THOC5: variants seen among roughly 807,000 people sequenced by gnomAD.
THOC5 encodes Fms-interacting protein.
In THOC5, 43 loss-of-function variants were observed where a neutral mutation model predicts 92.9. The observed-to-expected ratio is 0.46, with a 90% CI of 0.36 to 0.60. The LOEUF (loss-of-function observed/expected upper bound fraction) is 0.60. THOC5 is among the 20% of genes least tolerant of loss of function. THOC5 has a pLI of 0.00. For missense variants in THOC5, 659 were observed against 849.4 expected (o/e 0.78, Z 2.79); for synonymous variants, 296 against 320.1 (o/e 0.92, Z 0.80).
In THOC5 at chr22:29,531,879, G is replaced by A. The variant is rs769624235; in HGVS notation, c.799C>T (p.Pro267Ser). 24 of 1,614,082 alleles carry A rather than the reference G, an allele frequency of 1.5e-5. No homozygotes were observed. ...QYETARHLPP[P>S]LYVLFVQATA... ...GCCTGAACAAAGAGGACATAGAGGG[G>A]AGGCGGCAGGTGTCTGGCTGTCTCA... is the stretch of plus-strand genomic sequence containing the variant. Residue 267 changes from proline (P) to serine (S), a missense_variant, in exon 8 of 20, where the codon CCC becomes TCC. Pro to Ser is a moderately conservative substitution (Grantham distance 74, BLOSUM62 -1). Coordinates refer to ENST00000490103, the MANE Select transcript of THOC5 (RefSeq NM_003678.5).
chr22:29,511,536 CAG>C, intron 18 of THOC5: 1 of 528,050 alleles, frequency 1.9e-6, no homozygotes, highest in Non-Finnish European at 3.4e-6. Context: ...GCCAGGAAAA[CAG>C]AGGTGTGCAG....
At chr22:29,542,447 T>A (rs531656208) in intron 5 of THOC5, among the ~76,000 whole-genome samples, 14 of 152,334 alleles carry the variant, frequency 9.2e-5, no homozygotes, top group Admixed American at 7.8e-4. Context: ...TACAGTTTTC[T>A]AAGCTCATCA....
At chr22:29,533,987 G>A (rs1187880541) in intron 7 of THOC5, among the ~76,000 whole-genome samples, 1 of 152,082 alleles carries the variant, frequency 6.6e-6, no homozygotes, top group African/African-American at 2.4e-5. Flanking sequence ...TCATTCCTGG[G>A]TATATATTCA....
intron 6 of THOC5, among the ~76,000 whole-genome samples, chr22:29,537,585 C>T (rs1173764893): frequency 6.6e-6 from 1 of 151,798 alleles, no homozygotes; most frequent in East Asian, 1.9e-4. Context: ...GTGAAACCCC[C>T]AACTCTATTA....
At chr22:29,530,833 A>G (rs909893000) in intron 8 of THOC5, among the ~76,000 whole-genome samples, 11 of 152,152 alleles carry the variant, frequency 7.2e-5, no homozygotes, top group Non-Finnish European at 1.5e-4. Context: ...TGGTCCCAAG[A>G]GCCTGAAACG....
intron 12 of THOC5, among the ~76,000 whole-genome samples, 160 bp from the exon 13 acceptor site, chr22:29,521,259 A>T (rs560598614): frequency 1.3e-5 from 2 of 152,162 alleles, no homozygotes; most frequent in Admixed American, 6.6e-5. Flanking sequence ...GCTTGAGGTC[A>T]TTGCATCCTT....
At chr22:29,545,739 T>A (rs2064003825) in intron 2 of THOC5, among the ~76,000 whole-genome samples, 1 of 152,160 alleles carries the variant, frequency 6.6e-6, no homozygotes, top group South Asian at 2.1e-4. Context: ...CTTTGCAGGG[T>A]ACAGTCTCCC....
At chr22:29,513,147 G>A (rs948902517) in intron 17 of THOC5, among the ~76,000 whole-genome samples, 7 of 149,342 alleles carry the variant, frequency 4.7e-5, no homozygotes, top group Admixed American at 1.3e-4. Context: ...TCAGGAGATC[G>A]AGACCATCCT....
chr22:29,530,530 A>G (rs530083729), intron 8 of THOC5, among the ~76,000 whole-genome samples: 2 of 151,916 alleles, frequency 1.3e-5, no homozygotes, highest in South Asian at 2.1e-4. Context: ...AAAAAAAAAA[A>G]TTTTTTTTAA....
At chr22:29,509,394 T>G (rs2063182123) in intron 19 of THOC5, among the ~76,000 whole-genome samples, 1 of 152,100 alleles carries the variant, frequency 6.6e-6, no homozygotes, top group Non-Finnish European at 1.5e-5. Flanking sequence ...TAGAATGGGC[T>G]GGGCAGGTGA....
intron 12 of THOC5, among the ~76,000 whole-genome samples, chr22:29,522,725 G>A (rs572496036): frequency 4.6e-5 from 7 of 151,948 alleles, no homozygotes; most frequent in East Asian, 1.9e-4. Context: ...CTTAGTGGCC[G>A]GGCGTGGTGG....
rs2146553937 is a variant in THOC5, at chr22:29,544,538, T to A, written c.162A>T (p.Leu54Phe). Residue 54 changes from leucine (L) to phenylalanine (F), a missense_variant, in exon 3 of 20, where the codon TTA (leucine) becomes TTT (phenylalanine). Leu to Phe is a conservative substitution (Grantham distance 22). Coordinates refer to ENST00000490103, the MANE Select transcript of THOC5 (RefSeq NM_003678.5). ...GTAGCTCCTGGCAGGTGTACTTGTA[T>A]AACTCATAGTCTCTGCCAGGGTCCC... ...DLRDPGRDYELYKYTCQELQR... is the reference protein window; with the variant it reads ...DLRDPGRDYEFYKYTCQELQR... The A allele has an allele frequency of 3.1e-6, 5 of 1,614,092 alleles. No individual in the cohort carries two copies. The highest frequency in any genetic ancestry group is 4.2e-6 in the Non-Finnish European group (5 of 1,180,008).
In THOC5 at chr22:29,517,129, CCA is replaced by C; in HGVS notation, c.1594-15_1594-14del. ...TGAAGTGCAGCTCCTAGAAGAGGTA[CCA>C]CAGACAAGAGGTGAACTGCTGGCTC... On this transcript the variant is annotated splice_polypyrimidine_tract_variant and intron_variant, in intron 16 of 19. Coordinates refer to ENST00000490103, the MANE Select transcript of THOC5 (RefSeq NM_003678.5). The C allele has an allele frequency of 6.2e-7, 1 of 1,614,036 alleles. No individual in the cohort carries two copies. Among genetic ancestry groups the C allele is most frequent in the African/African-American group, 1.3e-5 (1 of 75,020 alleles).
chr22:29,542,470 A>G (rs1207753515), intron 5 of THOC5, among the ~76,000 whole-genome samples: 1 of 152,202 alleles, frequency 6.6e-6, no homozygotes, highest in Admixed American at 6.5e-5. Context: ...TTTCTTTTTA[A>G]AGAGAGACTT....
chr22:29,536,393 A>T, intron 7 of THOC5: 1 of 493,420 alleles, frequency 2.0e-6, no homozygotes, highest in Non-Finnish European at 3.6e-6. Flanking sequence ...TACCCAGAGA[A>T]GGCCTCTGGA....
intron 6 of THOC5, among the ~76,000 whole-genome samples, chr22:29,539,118 A>G (rs898223671): frequency 5.9e-5 from 9 of 151,538 alleles, no homozygotes; most frequent in Non-Finnish European, 1.3e-4. Context: ...TCAAAAAAAA[A>G]AAAAAAAAAA....
chr22:29,532,969 C>A (rs1319423736), intron 7 of THOC5, among the ~76,000 whole-genome samples: 7 of 152,178 alleles, frequency 4.6e-5, no homozygotes, highest in African/African-American at 1.7e-4. Context: ...GAGAGCAAGA[C>A]CCTGCCTCAA....
At chr22:29,523,580 G>A (rs1406932913) in intron 12 of THOC5, among the ~76,000 whole-genome samples, 1 of 152,172 alleles carries the variant, frequency 6.6e-6, no homozygotes, top group East Asian at 1.9e-4. Context: ...AGACTAGGTA[G>A]AACCTACAGA....
intron 4 of THOC5, 147 bp from the exon 5 acceptor site, chr22:29,543,103 G>T (rs1222787419): frequency 8.1e-6 from 5 of 618,962 alleles, no homozygotes; most frequent in Non-Finnish European, 1.4e-5. Flanking sequence ...CAGCACTTTG[G>T]GAGGCCGAGG....
Sources: gnomAD v4.1 joint callset for allele counts (sites outside exome capture counted in the v4.1 genomes callset) on GRCh38, gnomAD v4.1.1 for gene constraint, MANE v1.5 for transcripts, NCBI Gene and HGNC (gene_info 2026-07-23, HGNC 2026-07-21) for gene names.